Variants in TJP1 observed in about 807,000 individuals in gnomAD.
TJP1 encodes the protein tight junction protein 1, also known as tight junction protein ZO-1.
In TJP1, 43 loss-of-function variants were observed where a neutral mutation model predicts 194.2. That is an observed-to-expected ratio of 0.22 (90% CI 0.17 to 0.29). The LOEUF (loss-of-function observed/expected upper bound fraction) is 0.29. Among genes scored for constraint, TJP1 ranks in the 10% least tolerant of loss-of-function variants. The probability of loss-of-function intolerance (pLI) is 1.00; values close to 1 mark genes in which losing one functional copy is unlikely to be tolerated. For synonymous variants in TJP1, 801 were observed against 779.0 expected, an observed-to-expected ratio of 1.03 and a Z score of -0.47; for missense variants, 1,971 against 2,185.7, an observed-to-expected ratio of 0.90 and a Z score of 1.96.
chr15:29,727,142 C>T (rs920736838), intron 16 of TJP1, 151 bp from the exon 17 acceptor site: 2 of 647,948 alleles, frequency 3.1e-6, no homozygotes, highest in African/African-American at 1.8e-5. Flanking sequence ...CCAGGAGTTC[C>T]AGACCAGCCT....
In TJP1 at chr15:29,733,328, A is replaced by C. The variant is rs755143915; in HGVS notation, c.1517-15T>G. The C allele has an allele frequency of 1.3e-6, 2 of 1,538,612 alleles. No homozygotes were observed. ...GCGACGATAAACTAAAAGGAATAAAAACAAACACATTATCAATATTTAGTG... is the reference window on the plus strand; with the variant it reads ...GCGACGATAAACTAAAAGGAATAAACACAAACACATTATCAATATTTAGTG... On this transcript the variant is annotated splice_polypyrimidine_tract_variant and intron_variant, in intron 12 of 27. Transcript: ENST00000614355.
intron 8 of TJP1, among the ~76,000 whole-genome samples, chr15:29,749,484 T>C (rs2045095908): frequency 1.3e-5 from 2 of 152,152 alleles, no homozygotes; most frequent in African/African-American, 2.4e-5. Flanking sequence ...GCATGCAGCA[T>C]GGTCAGTACA....
intron 2 of TJP1, among the ~76,000 whole-genome samples, chr15:29,886,432 G>A (rs947474378): frequency 2.6e-5 from 4 of 151,402 alleles, no homozygotes; most frequent in African/African-American, 9.7e-5. Context: ...GGAATCAAAT[G>A]GTAAACAATT....
chr15:29,897,263 G>C (rs1479587677), intron 2 of TJP1, among the ~76,000 whole-genome samples: 1 of 152,188 alleles, frequency 6.6e-6, no homozygotes, highest in Admixed American at 6.5e-5. Flanking sequence ...TTCAGGCCGT[G>C]GCTTCAGAGG....
intron 4 of TJP1, among the ~76,000 whole-genome samples, chr15:29,769,787 G>A (rs1012938409): frequency 6.6e-6 from 1 of 152,192 alleles, no homozygotes; most frequent in African/African-American, 2.4e-5. Context: ...CAGTGGAATA[G>A]AAGTGTAGCA....
chr15:29,808,904 T>C (rs1380302767), intron 1 of TJP1, among the ~76,000 whole-genome samples: 2 of 152,062 alleles, frequency 1.3e-5, no homozygotes, highest in Admixed American at 1.3e-4. Context: ...ACTTATGAAG[T>C]AGAACTGTAA....
intron 2 of TJP1, among the ~76,000 whole-genome samples, chr15:29,858,172 G>A (rs2051933576): frequency 6.6e-6 from 1 of 152,162 alleles, no homozygotes; most frequent in African/African-American, 2.4e-5. Context: ...AGGCCAAGGT[G>A]GATGGATTCC....
intron 12 of TJP1, among the ~76,000 whole-genome samples, chr15:29,734,012 T>C (rs1299663462): frequency 6.6e-6 from 1 of 152,174 alleles, no homozygotes. Context: ...ATCAACACTT[T>C]CTATCACTTG....
At chr15:29,905,796 T>G (rs966512690) in intron 2 of TJP1, among the ~76,000 whole-genome samples, 2 of 152,254 alleles carry the variant, frequency 1.3e-5, no homozygotes. Context: ...ATTCCAACTA[T>G]CTGACATTCT....
In TJP1 at chr15:29,705,429, G is replaced by T. The variant is rs147116155; in HGVS notation, c.5068+99C>A. On this transcript the variant is annotated intron_variant, in intron 26 of 27. Coordinates refer to ENST00000614355, the MANE Select transcript of TJP1 (RefSeq NM_001330239.4). ...TCGCTACAGCACTCATCTGGAGATA[G>T]AGAGGTGCTGCATTATTAGCCAAGC... is the stretch of plus-strand genomic sequence containing the variant. 8.9e-6 allele frequency: 11 copies of T among 1,233,570 alleles called. No individual in the cohort carries two copies. The Admixed American group carries it at 1.3e-4, about 14-fold the overall frequency. 76.4% of individuals were successfully genotyped at this position (1,233,570 alleles called of 1,614,324 possible). A position where few individuals can be genotyped will look rare whatever the true frequency, so the allele number is the denominator to read the frequency against.
At position 29,800,661 on chromosome 15, in the gene TJP1, T is replaced by G. The variant is rs1007218905; in HGVS notation, c.69A>C (p.Thr23=). ...ACAAACTTACCCTGTGAAGCGTCAC[T>G]GTATGTTGTTCCCATATAGCTGTTT... is the stretch of plus-strand genomic sequence containing the variant. The part of the protein sequence containing the change: ...MEETAIWEQH[T]VTLHRAPGFG... Residue 23 remains threonine (T), a synonymous_variant, in exon 2 of 28, where the codon ACA becomes ACC. Coordinates refer to ENST00000614355, the MANE Select transcript of TJP1 (RefSeq NM_001330239.4). 2.5e-6 allele frequency: 4 copies of G among 1,613,988 alleles called. No individual in the cohort carries two copies. The highest frequency in any genetic ancestry group is 3.4e-6 in the Non-Finnish European group (4 of 1,179,962).
At chr15:29,886,043 T>A (rs2053104544) in intron 2 of TJP1, among the ~76,000 whole-genome samples, 1 of 152,224 alleles carries the variant, frequency 6.6e-6, no homozygotes, top group South Asian at 2.1e-4. Context: ...CAATTTCAGA[T>A]TTTAAAACCC....
intron 2 of TJP1, among the ~76,000 whole-genome samples, chr15:29,786,413 TTTTA>T (rs2047703461): frequency 6.6e-6 from 1 of 152,240 alleles, no homozygotes. Flanking sequence ...CTACCCTTTA[TTTTA>T]TTTACTTTAT....
intron 23 of TJP1, among the ~76,000 whole-genome samples, chr15:29,713,273 C>T (rs1201284157): frequency 6.6e-6 from 1 of 152,220 alleles, no homozygotes; most frequent in Non-Finnish European, 1.5e-5. Context: ...ATGTGCACAG[C>T]CCTGGAGGGA....
At chr15:29,766,033 A>C (rs890694996) in intron 5 of TJP1, among the ~76,000 whole-genome samples, 1 of 152,214 alleles carries the variant, frequency 6.6e-6, no homozygotes, top group Non-Finnish European at 1.5e-5. Flanking sequence ...GGCTATTCTC[A>C]TCACAACAAA....
chr15:29,708,578 G>A lies in TJP1; in HGVS notation c.4831C>T (p.Pro1611Ser), dbSNP rs1239208416. 1.2e-6 allele frequency: 2 copies of A among 1,611,314 alleles called. No individual in the cohort carries two copies. Among genetic ancestry groups the A allele is most frequent in the Admixed American group, 1.7e-5 (1 of 59,976 alleles). The change falls in exon 25 of 28, where the codon CCT becomes TCT. Residue 1611 changes from proline (P) to serine (S), a missense_variant. Coordinates refer to ENST00000614355, the MANE Select transcript of TJP1 (RefSeq NM_001330239.4). ...KYQINNISTV[P>S]KAIPVSPSAV... Reference sequence around the variant, plus strand: ...TCTTACCTCACAGGAATAGCTTTAGGCACTGTGCTGATATTATTTATTTGA... The same window carrying A: ...TCTTACCTCACAGGAATAGCTTTAGACACTGTGCTGATATTATTTATTTGA...
At chr15:29,775,508 A>C (rs2046958859) in intron 2 of TJP1, among the ~76,000 whole-genome samples, 1 of 152,134 alleles carries the variant, frequency 6.6e-6, no homozygotes, top group African/African-American at 2.4e-5. Context: ...TAAACTTGTG[A>C]GTGGAAGACA....
At chr15:29,880,547 C>G (rs1005195135) in intron 2 of TJP1, among the ~76,000 whole-genome samples, 3 of 152,198 alleles carry the variant, frequency 2.0e-5, no homozygotes, top group Non-Finnish European at 2.9e-5. Context: ...CTAGAACTTA[C>G]TCATCTTGCA....
At chr15:29,771,747 GTGAGCCGAGACCGTACC>G (rs929738481) in intron 4 of TJP1, among the ~76,000 whole-genome samples, 1 of 151,388 alleles carries the variant, frequency 6.6e-6, no homozygotes, top group Non-Finnish European at 1.5e-5. Flanking sequence ...GGAGTTTGCA[GTGAGCCGAGACCGTACC>G]ACTGCACTCC....
Sources: allele counts gnomAD v4.1 joint callset (sites outside exome capture counted in the v4.1 genomes callset), GRCh38; gene constraint gnomAD v4.1.1; transcripts MANE v1.5; gene names NCBI Gene and HGNC (gene_info 2026-07-23, HGNC 2026-07-21).